The following PXT1 variants were observed in gnomAD, a reference collection of about 807,000 sequenced individuals.
PXT1 encodes peroxisomal testis enriched protein 1, also known as peroxisomal testis-specific protein 1.
In PXT1, 11 loss-of-function variants were observed where a neutral mutation model predicts 11.0. The ratio of observed to expected loss-of-function variants is 1.00; its 90% CI spans 0.63 to 1.66. The LOEUF (loss-of-function observed/expected upper bound fraction) is 1.66, where lower values mean the gene tolerates loss of function less well. PXT1 is among the 40% of genes most tolerant of loss of function. The probability of loss-of-function intolerance (pLI) is 0.00; values close to 1 mark genes in which losing one functional copy is unlikely to be tolerated. For synonymous variants in PXT1, 43 were observed against 51.4 expected, an observed-to-expected ratio of 0.84 and a Z score of 0.70; for missense variants, 141 against 155.5, an observed-to-expected ratio of 0.91 and a Z score of 0.49.
chr6:36,416,387 A>G (rs1274941160), intron 3 of PXT1, among the ~76,000 whole-genome samples: 1 of 152,052 alleles, frequency 6.6e-6, no homozygotes. Context: ...AAAAAAGAAA[A>G]CTGACTGGAC....
chr6:36,432,240 G>A (rs368780837), intron 2 of PXT1, among the ~76,000 whole-genome samples: 22 of 152,150 alleles, frequency 1.4e-4, no homozygotes, highest in Middle Eastern at 3.4e-3. Context: ...GAGGATGAGC[G>A]AGGGAAAAAG....
chr6:36,438,340 CTT>C (rs1249529417), intron 2 of PXT1, among the ~76,000 whole-genome samples: 1 of 152,114 alleles, frequency 6.6e-6, no homozygotes, highest in Non-Finnish European at 1.5e-5. Flanking sequence ...ATTTTACTGA[CTT>C]TGTATTTTGG....
chr6:36,398,394 A>C (rs77395352), intron 4 of PXT1, among the ~76,000 whole-genome samples: 2 of 152,332 alleles, frequency 1.3e-5, no homozygotes, highest in African/African-American at 4.8e-5. Context: ...CCAAAAAAAT[A>C]AAAACATGTC....
intron 3 of PXT1, among the ~76,000 whole-genome samples, chr6:36,407,206 T>C (rs1310456736): frequency 6.6e-6 from 1 of 152,180 alleles, no homozygotes; most frequent in Non-Finnish European, 1.5e-5. Context: ...AACCTATATA[T>C]GACATTATTT....
Position 36,394,083 on chromosome 6 carries a change from A to T in PXT1, c.301-2209T>A, listed in dbSNP as rs182889470. ...CCTGCTAGTAACCGAAAATCATTAAAGGATTTTTCTCCCCCTCTTATAGTC... is the reference window on the plus strand; with the variant it reads ...CCTGCTAGTAACCGAAAATCATTAATGGATTTTTCTCCCCCTCTTATAGTC... On this transcript the variant is annotated intron_variant, in intron 4 of 4. Coordinates refer to ENST00000454782, the MANE Select transcript of PXT1 (RefSeq NM_152990.4). 3.9e-5 allele frequency among the ~76,000 whole-genome samples: 6 copies of T among 152,374 alleles called. No homozygotes were observed. The East Asian group carries it at 1.2e-3, about 29-fold the overall frequency.
chr6:36,408,104 G>A (rs1051405765), intron 3 of PXT1, among the ~76,000 whole-genome samples: 2 of 151,676 alleles, frequency 1.3e-5, no homozygotes, highest in Admixed American at 6.6e-5. Flanking sequence ...TGGGATTACA[G>A]GAGCCTGCCA....
intron 3 of PXT1, among the ~76,000 whole-genome samples, chr6:36,403,706 A>G (rs1220933351): frequency 6.6e-6 from 1 of 152,138 alleles, no homozygotes; most frequent in African/African-American, 2.4e-5. Flanking sequence ...CATCTCTACC[A>G]AAAATACAAA....
At chr6:36,415,976 G>A (rs1387978383) in intron 3 of PXT1, among the ~76,000 whole-genome samples, 1 of 152,024 alleles carries the variant, frequency 6.6e-6, no homozygotes, top group South Asian at 2.1e-4. Context: ...TATGAAACAG[G>A]AGACTGGTCC....
At chr6:36,416,273 C>T (rs1407233802) in intron 3 of PXT1, among the ~76,000 whole-genome samples, 1 of 152,114 alleles carries the variant, frequency 6.6e-6, no homozygotes, top group Non-Finnish European at 1.5e-5. Context: ...CGCTTGAGCC[C>T]AGGAGCTGGC....
At chr6:36,399,029 T>C (rs1774179368) in intron 4 of PXT1, among the ~76,000 whole-genome samples, 1 of 152,218 alleles carries the variant, frequency 6.6e-6, no homozygotes, top group Non-Finnish European at 1.5e-5. Context: ...TCAATAAATA[T>C]TTGTTGGAAT....
At chr6:36,415,085 G>T (rs544687159) in intron 3 of PXT1, among the ~76,000 whole-genome samples, 2 of 152,058 alleles carry the variant, frequency 1.3e-5, no homozygotes, top group Non-Finnish European at 2.9e-5. Flanking sequence ...CTTAAATTTA[G>T]CAGGCCTACA....
chr6:36,422,319 T>C (rs1582265045), intron 3 of PXT1, among the ~76,000 whole-genome samples: 1 of 152,192 alleles, frequency 6.6e-6, no homozygotes, highest in Admixed American at 6.5e-5. Context: ...GGCTCCCAGT[T>C]CTCCCTTGCA....
At chr6:36,437,514 G>GT (rs34332467) in intron 2 of PXT1, among the ~76,000 whole-genome samples, 9 of 120,092 alleles carry the variant, frequency 7.5e-5, no homozygotes, top group East Asian at 4.9e-4. Flanking sequence ...TTTTGTGTGG[G>GT]TTTTTTTTTT....
chr6:36,415,224 T>C (rs949840661), intron 3 of PXT1, among the ~76,000 whole-genome samples: 1 of 151,792 alleles, frequency 6.6e-6, no homozygotes, highest in Non-Finnish European at 1.5e-5. Flanking sequence ...AAGTGGATCA[T>C]CTGAGGTCAG....
At chr6:36,396,335 C>CTG (rs1774143860) in intron 4 of PXT1, among the ~76,000 whole-genome samples, 2 of 152,192 alleles carry the variant, frequency 1.3e-5, no homozygotes, top group African/African-American at 4.8e-5. Flanking sequence ...CTGGGTGCCA[C>CTG]TGTGGCCACC....
chr6:36,403,926 ATT>A (rs774969437), intron 3 of PXT1, among the ~76,000 whole-genome samples: 1 of 152,226 alleles, frequency 6.6e-6, no homozygotes, highest in Non-Finnish European at 1.5e-5. Flanking sequence ...TTTGGATAAC[ATT>A]TGAAGCACAG....
At chr6:36,413,436 G>A (rs1467991326) in intron 3 of PXT1, among the ~76,000 whole-genome samples, 2 of 150,502 alleles carry the variant, frequency 1.3e-5, no homozygotes, top group African/African-American at 2.4e-5. Flanking sequence ...AAGAAAGAAA[G>A]AAACTCCTAC....
At chr6:36,401,668 T>C (rs899479168) in intron 3 of PXT1, among the ~76,000 whole-genome samples, 7 of 151,294 alleles carry the variant, frequency 4.6e-5, no homozygotes, top group African/African-American at 1.7e-4. Context: ...CAAACATACT[T>C]AAAAGGGCTC....
chr6:36,400,706 C>T (rs1190973657), intron 3 of PXT1, 122 bp from the exon 4 acceptor site: 13 of 1,031,018 alleles, frequency 1.3e-5, no homozygotes, highest in Middle Eastern at 2.8e-4. Context: ...CAGTGGCTCA[C>T]GCCTGTAATC....
Sources: allele counts gnomAD v4.1 joint callset (sites outside exome capture counted in the v4.1 genomes callset), GRCh38; gene constraint gnomAD v4.1.1; transcripts MANE v1.5; gene names NCBI Gene and HGNC (gene_info 2026-07-23, HGNC 2026-07-21).